CDH6: variants seen among roughly 807,000 people sequenced by gnomAD.
CDH6 encodes cadherin 6.
Under a neutral mutation model 78.0 loss-of-function variants are expected in CDH6, and 31 were observed. That is an observed-to-expected ratio of 0.40 (90% confidence interval 0.30 to 0.54). CDH6 has a LOEUF of 0.54. Among genes scored for constraint, CDH6 ranks in the 20% least tolerant of loss-of-function variants. The probability of loss-of-function intolerance (pLI) is 0.56; values close to 1 mark genes in which losing one functional copy is unlikely to be tolerated. For missense variants in CDH6, 724 were observed against 975.9 expected, an observed-to-expected ratio of 0.74 and a Z score of 3.44; for synonymous variants, 376 against 368.8, an observed-to-expected ratio of 1.02 and a Z score of -0.23.
rs1738611141 is a variant in CDH6 at position 31,325,730 on chromosome 5, C to T, written c.*2422C>T. 4.3e-6 allele frequency: 1 copy of T among 230,682 alleles called. No homozygotes were observed. Among genetic ancestry groups the T allele is most frequent in the Non-Finnish European group, 8.6e-6 (1 of 116,548 alleles). The allele number at this position is 230,682 out of a possible 1,614,324, so 14.3% of individuals were successfully genotyped here. A position where few individuals can be genotyped will look rare whatever the true frequency, so the allele number is the denominator to read the frequency against. ...GTATTTTATCCCTCCCTGCAGATGA[C>T]ACAGCATACCAAGAACAGGTTAATA... On this transcript the variant is annotated 3_prime_UTR_variant, in exon 12 of 12. Coordinates refer to ENST00000265071, the MANE Select transcript of CDH6 (RefSeq NM_004932.4).
intron 1 of CDH6, among the ~76,000 whole-genome samples, chr5:31,247,728 C>G (rs953544934): frequency 6.6e-6 from 1 of 152,036 alleles, no homozygotes; most frequent in Non-Finnish European, 1.5e-5. Context: ...AAATATTTTC[C>G]CATTAGTGGT....
intron 1 of CDH6, among the ~76,000 whole-genome samples, chr5:31,253,437 C>T (rs1321235929): frequency 6.6e-6 from 1 of 152,168 alleles, no homozygotes; most frequent in Non-Finnish European, 1.5e-5. Flanking sequence ...TTCCTGAGGC[C>T]TCCCCAGCCC....
chr5:31,319,244 C>T (rs745557720), intron 11 of CDH6, among the ~76,000 whole-genome samples: 3 of 152,160 alleles, frequency 2.0e-5, no homozygotes, highest in Non-Finnish European at 4.4e-5. Flanking sequence ...TTTCTGTCAT[C>T]ATCTACCTCC....
At chr5:31,231,064 G>A (rs1157652619) in intron 1 of CDH6, among the ~76,000 whole-genome samples, 3 of 152,056 alleles carry the variant, frequency 2.0e-5, no homozygotes, top group Admixed American at 6.6e-5. Context: ...ATATTCAAAT[G>A]CAATATTTTT....
At chr5:31,302,341 C>A in intron 6 of CDH6, 43 bp downstream of exon 6, 2 of 1,442,002 alleles carry the variant, frequency 1.4e-6, no homozygotes, top group Non-Finnish European at 1.9e-6. Flanking sequence ...AACCCATTTA[C>A]TTTTCTCCAG....
chr5:31,224,160 T>C (rs1003287499), intron 1 of CDH6, among the ~76,000 whole-genome samples: 2 of 152,184 alleles, frequency 1.3e-5, no homozygotes, highest in African/African-American at 4.8e-5. Context: ...CTCACAATCA[T>C]GGCTGAAGCA....
chr5:31,258,291 A>T (rs997701013), intron 1 of CDH6, among the ~76,000 whole-genome samples: 1 of 152,240 alleles, frequency 6.6e-6, no homozygotes, highest in African/African-American at 2.4e-5. Flanking sequence ...TATACACCAT[A>T]GAATGCTATG....
chr5:31,211,714 G>T (rs1005342951), intron 1 of CDH6, among the ~76,000 whole-genome samples: 2 of 152,092 alleles, frequency 1.3e-5, no homozygotes, highest in African/African-American at 4.8e-5. Context: ...CACACAACAG[G>T]ATGTTCCCAA....
intron 1 of CDH6, among the ~76,000 whole-genome samples, chr5:31,198,840 A>T (rs974838563): frequency 6.6e-6 from 1 of 152,110 alleles, no homozygotes; most frequent in Non-Finnish European, 1.5e-5. Context: ...CACACTACTC[A>T]TCTCTACCAT....
intron 1 of CDH6, among the ~76,000 whole-genome samples, chr5:31,201,791 T>C (rs1740356267): frequency 6.6e-6 from 1 of 152,188 alleles, no homozygotes; most frequent in African/African-American, 2.4e-5. Flanking sequence ...GGAATTATAA[T>C]TATATTTAAA....
chr5:31,223,043 T>A (rs76588061), intron 1 of CDH6, among the ~76,000 whole-genome samples: 1,795 of 152,070 alleles, frequency 0.012, 38 homozygotes, highest in African/African-American at 0.039. Flanking sequence ...TCTCTCTCTC[T>A]CACACACACA....
chr5:31,259,219 T>G (rs960477336), intron 1 of CDH6, among the ~76,000 whole-genome samples: 3 of 152,194 alleles, frequency 2.0e-5, no homozygotes, highest in African/African-American at 7.2e-5. Context: ...ATTAAATATC[T>G]CTACTCTTTG....
chr5:31,226,123 A>T (rs1741144503), intron 1 of CDH6, among the ~76,000 whole-genome samples: 1 of 152,164 alleles, frequency 6.6e-6, no homozygotes, highest in Non-Finnish European at 1.5e-5. Flanking sequence ...TTGAGAAGAC[A>T]TGTTCTCATT....
At chr5:31,197,523 C>T (rs1561192523) in intron 1 of CDH6, among the ~76,000 whole-genome samples, 1 of 152,086 alleles carries the variant, frequency 6.6e-6, no homozygotes, top group Non-Finnish European at 1.5e-5. Context: ...TTATTTACTT[C>T]ACAAAAAAAG....
chr5:31,234,556 T>A (rs1179304111), intron 1 of CDH6, among the ~76,000 whole-genome samples: 1 of 152,162 alleles, frequency 6.6e-6, no homozygotes, highest in Non-Finnish European at 1.5e-5. Context: ...GGGAATCCCA[T>A]CTCCACCTCC....
intron 2 of CDH6, among the ~76,000 whole-genome samples, chr5:31,292,863 ATATATATATATG>A (rs1561061156): frequency 1.7e-4 from 17 of 102,244 alleles, no homozygotes; most frequent in African/African-American, 6.1e-4. Flanking sequence ...ATATATATAT[ATATATATATATG>A]TATGTGTTTG....
intron 7 of CDH6, among the ~76,000 whole-genome samples, chr5:31,307,048 C>T (rs1249356653): frequency 6.6e-6 from 1 of 151,940 alleles, no homozygotes; most frequent in South Asian, 2.1e-4. Context: ...AGGAGGCCTC[C>T]GCAGCTGGAA....
At chr5:31,304,690 A>C (rs1424218281) in intron 6 of CDH6, among the ~76,000 whole-genome samples, 5 of 150,976 alleles carry the variant, frequency 3.3e-5, no homozygotes, top group Non-Finnish European at 7.4e-5. Flanking sequence ...TCTCAAAAAA[A>C]AAAAAAAAAA....
At position 31,225,242 on chromosome 5, in the gene CDH6, A is replaced by G. The variant is rs149574521; in HGVS notation, c.-129+31356A>G. The stretch of plus-strand genomic sequence containing the variant: ...AACTGTTCTATTTGATGCATAAATG[A>G]CTCTGGGCTTTGTGTTTATAGAAGA... On this transcript the variant is annotated intron_variant, in intron 1 of 11. Coordinates refer to ENST00000265071, the MANE Select transcript of CDH6 (RefSeq NM_004932.4). 2.6e-3 allele frequency among the ~76,000 whole-genome samples: 403 copies of G among 152,224 alleles called. 5 individuals are homozygous for G. Among genetic ancestry groups the G allele is most frequent in the African/African-American group, 9.5e-3 (395 of 41,532 alleles).
Sources: gnomAD v4.1 joint callset for allele counts (sites outside exome capture counted in the v4.1 genomes callset) on GRCh38, gnomAD v4.1.1 for gene constraint, MANE v1.5 for transcripts, NCBI Gene and HGNC (gene_info 2026-07-23, HGNC 2026-07-21) for gene names.